The following DHRS12 variants were observed in gnomAD, a reference collection of about 807,000 sequenced individuals.
DHRS12 encodes dehydrogenase/reductase 12, also known as dehydrogenase/reductase SDR family member 12.
Under a neutral mutation model 32.1 loss-of-function variants are expected in DHRS12, and 29 were observed. The observed-to-expected ratio is 0.90, with a 90% CI of 0.67 to 1.23. The LOEUF (loss-of-function observed/expected upper bound fraction) is 1.23. Ranked by LOEUF, DHRS12 falls within the 50% of genes most tolerant of loss-of-function variation. The pLI is 0.00. For missense variants in DHRS12, 330 were observed against 337.2 expected (o/e 0.98, Z 0.17); for synonymous variants, 150 against 135.9 (o/e 1.10, Z -0.72).
chr13:51,802,586 T>G (rs1165577178), intron 1 of DHRS12, among the ~76,000 whole-genome samples: 1 of 152,178 alleles, frequency 6.6e-6, no homozygotes, highest in Non-Finnish European at 1.5e-5. Context: ...CCCAGGGAAT[T>G]ATTAGGTTCA....
chr13:51,767,277 T>G (rs1411888976), downstream of DHRS12: 3 of 152,252 alleles, frequency 2.0e-5, no homozygotes, highest in Non-Finnish European at 4.4e-5. Context: ...CCCATCATCC[T>G]CCTGCAGAAA....
intron 2 of DHRS12, among the ~76,000 whole-genome samples, chr13:51,794,945 G>A (rs938148771): frequency 2.0e-5 from 3 of 152,074 alleles, no homozygotes; most frequent in Non-Finnish European, 4.4e-5. Flanking sequence ...GTGTCCAGTG[G>A]ACTGGTGAGC....
At chr13:51,789,768 C>T (rs972376110) in intron 4 of DHRS12, 19 of 985,178 alleles carry the variant, frequency 1.9e-5, no homozygotes, top group African/African-American at 8.7e-5. Context: ...AACAGCCTAG[C>T]GCTTCCTAGG....
At chr13:51,769,494 G>C (rs1050199816) in intron 7 of DHRS12, among the ~76,000 whole-genome samples, 2 of 152,158 alleles carry the variant, frequency 1.3e-5, no homozygotes, top group Admixed American at 6.5e-5. Context: ...TCACCTGATG[G>C]AAAGTGGTGC....
intron 5 of DHRS12, chr13:51,774,308 A>AGTATTCTCCTACAT (rs1249608360): frequency 1.4e-5 from 2 of 145,958 alleles, no homozygotes; most frequent in African/African-American, 2.6e-5. Context: ...ATTCTCCTAC[A>AGTATTCTCCTACAT]GTATTCTCCT....
intron 2 of DHRS12, among the ~76,000 whole-genome samples, chr13:51,794,343 C>T (rs777672073): frequency 1.3e-5 from 2 of 152,188 alleles, no homozygotes; most frequent in Non-Finnish European, 2.9e-5. Flanking sequence ...CCCATCAGAG[C>T]AGTTCCCACA....
At chr13:51,785,946 A>T (rs1273205843) in intron 4 of DHRS12, among the ~76,000 whole-genome samples, 1 of 152,212 alleles carries the variant, frequency 6.6e-6, no homozygotes, top group Non-Finnish European at 1.5e-5. Context: ...ACTGAATGAG[A>T]GAATCCAAGA....
chr13:51,783,238 G>A (rs1864695244), intron 4 of DHRS12, among the ~76,000 whole-genome samples: 1 of 152,092 alleles, frequency 6.6e-6, no homozygotes, highest in African/African-American at 2.4e-5. Context: ...TGGTCGAGGG[G>A]AAATGGGGTT....
At chr13:51,772,967 C>T (rs1032906720) in intron 6 of DHRS12, 14 of 985,364 alleles carry the variant, frequency 1.4e-5, no homozygotes, top group African/African-American at 1.2e-4. Context: ...GGGCCACCTT[C>T]GGAAGGCACA....
At chr13:51,791,874 C>T (rs1314341102) in intron 2 of DHRS12, among the ~76,000 whole-genome samples, 4 of 152,340 alleles carry the variant, frequency 2.6e-5, no homozygotes, top group Admixed American at 2.6e-4. Context: ...CTGTGCCTGG[C>T]TTATTGAACT....
Position 51,768,848 on chromosome 13 carries a change from C to T in DHRS12, c.697+308G>A, listed in dbSNP as rs112636199. ...CCCTTTGCAGTGCAGCTTTGAATAG[C>T]GCCCCTCCTGGGCCTCAGCAAACTG... is the stretch of plus-strand genomic sequence containing the variant. On this transcript the variant is annotated intron_variant, in intron 8 of 8. Coordinates refer to ENST00000444610, the MANE Select transcript of DHRS12 (RefSeq NM_001377533.1). The T allele has an allele frequency of 2.6e-3, 3,538 of 1,338,126 alleles. 93 individuals carry two copies. In the African/African-American group the frequency reaches 0.049, roughly 18 times the overall value. 82.9% of individuals were successfully genotyped at this position (1,338,126 alleles called of 1,614,324 possible).
chr13:51,803,969 G>A, intron 1 of DHRS12, 85 bp downstream of exon 1: 1 of 1,230,212 alleles, frequency 8.1e-7, no homozygotes, highest in South Asian at 2.4e-5. Context: ...AGGAGCCGCG[G>A]GCGCGTCCCC....
chr13:51,772,082 A>C (rs780013065), intron 6 of DHRS12, among the ~76,000 whole-genome samples, 171 bp from the exon 7 acceptor site: 3 of 152,092 alleles, frequency 2.0e-5, no homozygotes, highest in Non-Finnish European at 4.4e-5. Context: ...AGCCCTGAGT[A>C]GGACCTAGCA....
rs184194773 is a variant in DHRS12, at chr13:51,795,292, T to G, written c.127-4035A>C. 1.0e-3 allele frequency among the ~76,000 whole-genome samples: 152 copies of G among 152,328 alleles called. 1 individual carries two copies. In the South Asian group the frequency reaches 0.022, roughly 22 times the overall value. ...CACATCTTTTCTGCTACTGGGGGCT[T>G]GCAGGCTTCCACCTCCCACTGAGCA... On this transcript the variant is annotated intron_variant, in intron 2 of 8. Coordinates refer to ENST00000444610, the MANE Select transcript of DHRS12 (RefSeq NM_001377533.1).
At position 51,768,171 on chromosome 13, in the gene DHRS12, C is replaced by T; in HGVS notation, c.*16G>A. The T allele has an allele frequency of 9.1e-6, 14 of 1,536,146 alleles. No homozygotes were observed. The highest frequency in any genetic ancestry group is 1.2e-5 in the South Asian group (1 of 84,062). ...CTTCTAAGGCAATTCTGGTACCGCA[C>T]TGTGTCTGGGTTGGCCTATTTAAAT... On this transcript the variant is annotated 3_prime_UTR_variant, in exon 9 of 9. Coordinates refer to ENST00000444610, the MANE Select transcript of DHRS12 (RefSeq NM_001377533.1).
At chr13:51,802,231 G>A (rs1331452048) in intron 1 of DHRS12, among the ~76,000 whole-genome samples, 1 of 146,484 alleles carries the variant, frequency 6.8e-6, no homozygotes, top group Non-Finnish European at 1.5e-5. Flanking sequence ...CTTTCCCAAG[G>A]TCACCAGAAG....
chr13:51,757,954 C>T, the DHRS12 span, among the ~76,000 whole-genome samples: 1 of 151,984 alleles, frequency 6.6e-6, no homozygotes, highest in Non-Finnish European at 1.5e-5. Flanking sequence ...GAGCAACATT[C>T]TCCAGAAGGA....
chr13:51,772,653 T>TTA, intron 6 of DHRS12: 1 of 985,412 alleles, frequency 1.0e-6, no homozygotes. Context: ...AGAGAATACA[T>TTA]CAGTTATAGA....
intron 2 of DHRS12, among the ~76,000 whole-genome samples, chr13:51,795,808 C>A (rs1164599744): frequency 6.6e-6 from 1 of 152,186 alleles, no homozygotes; most frequent in Non-Finnish European, 1.5e-5. Flanking sequence ...ATTGGCCAAA[C>A]CCAGCCAAAA....
Sources: allele counts gnomAD v4.1 joint callset (sites outside exome capture counted in the v4.1 genomes callset), GRCh38; gene constraint gnomAD v4.1.1; transcripts MANE v1.5; gene names NCBI Gene and HGNC (gene_info 2026-07-23, HGNC 2026-07-21).